The following NKAIN3 variants were observed in gnomAD, a reference collection of about 807,000 sequenced individuals.
The protein encoded by NKAIN3 is sodium/potassium transporting ATPase interacting 3.
Under a neutral mutation model 30.2 loss-of-function variants are expected in NKAIN3, and 25 were observed. The ratio of observed to expected loss-of-function variants is 0.83; its 90% CI spans 0.60 to 1.16. The LOEUF (loss-of-function observed/expected upper bound fraction) is 1.16. Among genes scored for constraint, NKAIN3 ranks in the 50% most tolerant of loss-of-function variants. The probability of loss-of-function intolerance (pLI) is 0.00; values close to 1 mark genes in which losing one functional copy is unlikely to be tolerated. For synonymous variants in NKAIN3, 91 were observed against 89.6 expected (o/e 1.02, Z -0.09); for missense variants, 225 against 254.1 (o/e 0.89, Z 0.78).
chr8:62,966,571 T>C lies in NKAIN3; in HGVS notation c.*1164T>C, dbSNP rs1823719084. ...TTTCCGTCACTTTAAAAAATTCCCTTATGCCCTCTTTCAGGCAATGCCTAC... is the reference window on the plus strand; with the variant it reads ...TTTCCGTCACTTTAAAAAATTCCCTCATGCCCTCTTTCAGGCAATGCCTAC... On this transcript the variant is annotated 3_prime_UTR_variant, in exon 7 of 7. Coordinates refer to ENST00000623646, the MANE Select transcript of NKAIN3 (RefSeq NM_001304533.3). The C allele has an allele frequency of 5.7e-6, 1 of 176,588 alleles. No individual in the cohort carries two copies. The highest frequency in any genetic ancestry group is 1.1e-5 in the Non-Finnish European group (1 of 90,418). 10.9% of individuals were successfully genotyped at this position (176,588 alleles called of 1,614,324 possible).
At chr8:62,614,206 C>G (rs1265198876) in intron 3 of NKAIN3, among the ~76,000 whole-genome samples, 2 of 152,072 alleles carry the variant, frequency 1.3e-5, no homozygotes, top group Non-Finnish European at 2.9e-5. Context: ...GTATTGTGAT[C>G]TGAGCTGATG....
intron 5 of NKAIN3, among the ~76,000 whole-genome samples, chr8:62,943,855 A>G (rs942915228): frequency 8.0e-5 from 12 of 150,544 alleles, no homozygotes; most frequent in Admixed American, 5.3e-4. Context: ...ATTAGAGGGA[A>G]CAAAATAACT....
chr8:62,708,169 G>A (rs1318380891), intron 3 of NKAIN3, among the ~76,000 whole-genome samples: 1 of 152,156 alleles, frequency 6.6e-6, no homozygotes, highest in East Asian at 1.9e-4. Context: ...GATGCCTCCA[G>A]ATTTGTTCTT....
At chr8:62,990,187 A>G in intron 5 of NKAIN3, 1 of 1,474,462 alleles carries the variant, frequency 6.8e-7, no homozygotes, top group Non-Finnish European at 9.3e-7. Context: ...ATCTGCAAGT[A>G]TGCAAACATC....
At chr8:62,925,615 T>C (rs1003755141) in intron 5 of NKAIN3, among the ~76,000 whole-genome samples, 19 of 152,160 alleles carry the variant, frequency 1.2e-4, no homozygotes, top group Admixed American at 3.9e-4. Flanking sequence ...ATGATTTCAG[T>C]GATGGTGGTC....
chr8:62,896,158 G>T (rs1320083691), intron 4 of NKAIN3, among the ~76,000 whole-genome samples: 1 of 152,080 alleles, frequency 6.6e-6, no homozygotes, highest in African/African-American at 2.4e-5. Flanking sequence ...TCAGGCTCGG[G>T]TGAGGGCCCC....
chr8:62,959,538 G>T (rs1823512241), intron 6 of NKAIN3, among the ~76,000 whole-genome samples: 1 of 151,712 alleles, frequency 6.6e-6, no homozygotes, highest in Non-Finnish European at 1.5e-5. Context: ...CCAGCCATGT[G>T]TTAGTAAACT....
Sources: allele counts gnomAD v4.1 joint callset (sites outside exome capture counted in the v4.1 genomes callset), GRCh38; gene constraint gnomAD v4.1.1; transcripts MANE v1.5; gene names NCBI Gene and HGNC (gene_info 2026-07-23, HGNC 2026-07-21).